CHD9: variants seen among roughly 807,000 people sequenced by gnomAD.
The protein encoded by CHD9 is ATP-dependent chromatin remodeler CHD9.
CHD9 carries 77 observed loss-of-function variants against 316.1 expected under a neutral mutation model. The ratio of observed to expected loss-of-function variants is 0.24; its 90% CI spans 0.20 to 0.29. The LOEUF (loss-of-function observed/expected upper bound fraction) is 0.29, where lower values mean the gene tolerates loss of function less well. Among genes scored for constraint, CHD9 ranks in the 10% least tolerant of loss-of-function variants. The pLI is 1.00. For synonymous variants in CHD9, 1,129 were observed against 1,158.3 expected, an observed-to-expected ratio of 0.97 and a Z score of 0.51; for missense variants, 2,763 against 3,438.1, an observed-to-expected ratio of 0.80 and a Z score of 4.91.
At chr16:53,317,467 T>C (rs751084488) in intron 36 of CHD9, among the ~76,000 whole-genome samples, 2 of 152,172 alleles carry the variant, frequency 1.3e-5, no homozygotes, top group Non-Finnish European at 2.9e-5. Flanking sequence ...TTTTTATTTT[T>C]ATTGCTAGAT....
chr16:53,212,311 A>G (rs1301479937), intron 3 of CHD9, among the ~76,000 whole-genome samples: 1 of 152,044 alleles, frequency 6.6e-6, no homozygotes, highest in East Asian at 1.9e-4. Flanking sequence ...AGGCTGAGGC[A>G]GGAGAATGGC....
At chr16:53,181,314 A>G (rs1193663019) in intron 2 of CHD9, among the ~76,000 whole-genome samples, 1 of 151,994 alleles carries the variant, frequency 6.6e-6, no homozygotes, top group Non-Finnish European at 1.5e-5. Context: ...CCTGGCCGAG[A>G]GCCACAATTT....
intron 2 of CHD9, among the ~76,000 whole-genome samples, chr16:53,189,085 C>A (rs527698908): frequency 6.6e-6 from 1 of 151,450 alleles, no homozygotes; most frequent in African/African-American, 2.4e-5. Context: ...TTTGAAAGAT[C>A]GTAGCTTCCA....
In CHD9 at chr16:53,062,703, C is replaced by T. The variant is rs754396164; in HGVS notation, c.-165+7626C>T. Among the ~76,000 whole-genome samples the T allele has an allele frequency of 3.9e-5, 6 of 152,270 alleles. No individual in the cohort carries two copies. In the South Asian group the frequency reaches 1.2e-3, roughly 32 times the overall value. On this transcript the variant is annotated intron_variant, in intron 1 of 38. Coordinates refer to ENST00000447540, the MANE Select transcript of CHD9 (RefSeq NM_001308319.2). The stretch of plus-strand genomic sequence containing the variant: ...GTTACAGTGAGCTATGATCATGCCA[C>T]TGCACTCCAGGAAGACCCCAATTAT...
At chr16:53,284,737 ATTTAT>A (rs2053713765) in intron 24 of CHD9, among the ~76,000 whole-genome samples, 1 of 151,998 alleles carries the variant, frequency 6.6e-6, no homozygotes, top group Non-Finnish European at 1.5e-5. Flanking sequence ...GCATTCTATT[ATTTAT>A]TTACAACATC....
chr16:53,105,076 C>T (rs1445522893), intron 1 of CHD9, among the ~76,000 whole-genome samples: 1 of 152,134 alleles, frequency 6.6e-6, no homozygotes, highest in African/African-American at 2.4e-5. Flanking sequence ...CTATTGTCCT[C>T]GAGCAATCCT....
chr16:53,192,755 A>G (rs1046471361), intron 2 of CHD9, among the ~76,000 whole-genome samples: 1 of 152,184 alleles, frequency 6.6e-6, no homozygotes, highest in Non-Finnish European at 1.5e-5. Context: ...TTGTGTTACT[A>G]GTCTGACTTC....
At chr16:53,271,632 A>G (rs1001757956) in intron 22 of CHD9, among the ~76,000 whole-genome samples, 1 of 152,038 alleles carries the variant, frequency 6.6e-6, no homozygotes, top group African/African-American at 2.4e-5. Context: ...GAAGGAAACA[A>G]GGATTTCAAA....
At chr16:53,243,133 C>T in intron 13 of CHD9, 117 bp downstream of exon 13, 1 of 633,964 alleles carries the variant, frequency 1.6e-6, no homozygotes, top group Non-Finnish European at 2.5e-6. Context: ...ACATCTGAAT[C>T]TTATCTGTGA....
At chr16:53,273,845 T>C (rs2052530233) in intron 23 of CHD9, 60 bp downstream of exon 23, 3 of 1,456,302 alleles carry the variant, frequency 2.1e-6, no homozygotes, top group Non-Finnish European at 1.9e-6. Flanking sequence ...AATTTATTAA[T>C]ACTCTTTAAG....
At chr16:53,311,666 T>G (rs1213700160) in intron 34 of CHD9, 1 of 152,218 alleles carries the variant, frequency 6.6e-6, no homozygotes, top group Non-Finnish European at 1.5e-5. Flanking sequence ...TAAAATAGCA[T>G]AGATTATAAC....
intron 24 of CHD9, among the ~76,000 whole-genome samples, chr16:53,281,509 T>TCTAGG (rs2053414481): frequency 6.6e-6 from 1 of 152,198 alleles, no homozygotes; most frequent in South Asian, 2.1e-4. Flanking sequence ...CTTTTGCCTC[T>TCTAGG]CTAGGCCTGT....
intron 1 of CHD9, among the ~76,000 whole-genome samples, chr16:53,088,326 G>A (rs527451600): frequency 3.9e-4 from 55 of 140,948 alleles, no homozygotes; most frequent in Middle Eastern, 8.1e-3. Flanking sequence ...CGCCCAGGCT[G>A]GAGTGCAGTG....
chr16:53,306,700 T>C (rs2056338548), intron 32 of CHD9, among the ~76,000 whole-genome samples: 1 of 152,258 alleles, frequency 6.6e-6, no homozygotes, highest in South Asian at 2.1e-4. Flanking sequence ...TGAAGAAGTT[T>C]ACTGTAGCCA....
chr16:53,204,166 C>T (rs1182764658), intron 2 of CHD9, among the ~76,000 whole-genome samples: 1 of 150,736 alleles, frequency 6.6e-6, no homozygotes, highest in Non-Finnish European at 1.5e-5. Flanking sequence ...TTCACCACCC[C>T]AGCCTGCCAG....
chr16:53,252,978 A>G (rs909038611), intron 17 of CHD9, among the ~76,000 whole-genome samples: 1 of 152,234 alleles, frequency 6.6e-6, no homozygotes, highest in Non-Finnish European at 1.5e-5. Flanking sequence ...GCCACTATGG[A>G]AAACAGTATG....
chr16:53,191,007 A>G (rs1343629141), intron 2 of CHD9, among the ~76,000 whole-genome samples: 2 of 152,106 alleles, frequency 1.3e-5, no homozygotes, highest in African/African-American at 4.8e-5. Context: ...ATGATTTTTG[A>G]CAAATATATA....
intron 1 of CHD9, among the ~76,000 whole-genome samples, chr16:53,148,678 T>G (rs1161916124): frequency 6.6e-6 from 1 of 152,256 alleles, no homozygotes; most frequent in Non-Finnish European, 1.5e-5. Flanking sequence ...TTGCCCATTT[T>G]TAAATTGGGT....
At chr16:53,188,640 G>A (rs1465510837) in intron 2 of CHD9, among the ~76,000 whole-genome samples, 12 of 114,106 alleles carry the variant, frequency 1.1e-4, no homozygotes, top group Non-Finnish European at 1.7e-4. Context: ...TGAGATGGAA[G>A]CTGGCGTGCA....
Sources: gnomAD v4.1 joint callset for allele counts (sites outside exome capture counted in the v4.1 genomes callset) on GRCh38, gnomAD v4.1.1 for gene constraint, MANE v1.5 for transcripts, NCBI Gene and HGNC (gene_info 2026-07-23, HGNC 2026-07-21) for gene names.